Variants in COL25A1 observed in about 807,000 individuals in gnomAD.
COL25A1 encodes the protein collagen type XXV alpha 1 chain, also known as collagen alpha-1(XXV) chain.
COL25A1 carries 103 observed loss-of-function variants against 128.4 expected under a neutral mutation model. The observed-to-expected ratio is 0.80, with a 90% CI of 0.68 to 0.94. The LOEUF is 0.94. Ranked by LOEUF, COL25A1 falls within the 40% of genes least tolerant of loss-of-function variation. The pLI, the probability that COL25A1 is intolerant of heterozygous loss-of-function variation, is 0.00. For missense variants in COL25A1, 745 were observed against 840.0 expected, an observed-to-expected ratio of 0.89 and a Z score of 1.40; for synonymous variants, 279 against 277.2, an observed-to-expected ratio of 1.01 and a Z score of -0.06.
chr4:109,207,156 C>T (rs953449299), intron 3 of COL25A1, among the ~76,000 whole-genome samples: 7 of 152,068 alleles, frequency 4.6e-5, no homozygotes, highest in Non-Finnish European at 5.9e-5. Flanking sequence ...GACTTCTTTG[C>T]TTTTAGGGGA....
At chr4:109,125,042 TAAC>T (rs376054313) in intron 3 of COL25A1, among the ~76,000 whole-genome samples, 254 of 152,144 alleles carry the variant, frequency 1.7e-3, no homozygotes, top group African/African-American at 5.6e-3. Flanking sequence ...TCGCCTAGAA[TAAC>T]AACAACAAAG....
chr4:108,868,925 AAAG>A (rs778308267), intron 20 of COL25A1, among the ~76,000 whole-genome samples, 160 bp downstream of exon 20: 118 of 151,272 alleles, frequency 7.8e-4, no homozygotes, highest in Non-Finnish European at 9.9e-4. Context: ...AAGAGAAAGA[AAAG>A]AAGGAAGGAA....
Position 109,302,161 on chromosome 4 carries a change from A to AT in COL25A1, c.-57+7dup. 9.0e-7 allele frequency: 1 copy of AT among 1,113,718 alleles called. No individual in the cohort carries two copies. Among genetic ancestry groups the AT allele is most frequent in the Non-Finnish European group, 1.2e-6 (1 of 807,882 alleles). 69.0% of individuals were successfully genotyped at this position (1,113,718 alleles called of 1,614,324 possible). ...TTGGTGGAGTCAAGCCCACGAGCGG[A>AT]TACGGACCCCTGCCTTGCTCAGCGT... On this transcript the variant is annotated splice_region_variant and intron_variant, in intron 1 of 37. Coordinates refer to ENST00000399132, the MANE Select transcript of COL25A1 (RefSeq NM_198721.4).
At chr4:108,928,121 G>A (rs541044415) in intron 11 of COL25A1, among the ~76,000 whole-genome samples, 73 of 152,024 alleles carry the variant, frequency 4.8e-4, no homozygotes, top group African/African-American at 1.7e-3. Flanking sequence ...TACTTCCCTC[G>A]AGTACTATAA....
intron 3 of COL25A1, among the ~76,000 whole-genome samples, chr4:109,291,734 T>C (rs1339987870): frequency 6.6e-6 from 1 of 152,014 alleles, no homozygotes; most frequent in Non-Finnish European, 1.5e-5. Context: ...CAGAAAATTG[T>C]CATTAAAAGA....
intron 14 of COL25A1, among the ~76,000 whole-genome samples, chr4:108,900,607 T>A (rs1439958687): frequency 6.6e-6 from 1 of 152,158 alleles, no homozygotes; most frequent in Non-Finnish European, 1.5e-5. Context: ...TTCATTACAT[T>A]TTTTCCCTAT....
chr4:109,178,932 TA>T (rs1774366652), intron 3 of COL25A1, among the ~76,000 whole-genome samples: 1 of 150,010 alleles, frequency 6.7e-6, no homozygotes, highest in Admixed American at 6.6e-5. Context: ...ATAGTGTATA[TA>T]AAAGCGCCTT....
chr4:109,153,870 T>C (rs1257386365), intron 3 of COL25A1, among the ~76,000 whole-genome samples: 1 of 152,190 alleles, frequency 6.6e-6, no homozygotes, highest in Non-Finnish European at 1.5e-5. Flanking sequence ...AAGGTCAGTG[T>C]TACGCCCCTT....
intron 3 of COL25A1, among the ~76,000 whole-genome samples, chr4:109,197,486 TTA>T (rs1776209202): frequency 1.6e-5 from 2 of 126,616 alleles, no homozygotes; most frequent in Admixed American, 9.7e-5. Flanking sequence ...ATATTATATA[TTA>T]TATATAAATA....
At position 108,886,492 on chromosome 4, in the gene COL25A1, G is replaced by GTGTGTGTGTGTGTGTTTT. The variant is rs58157157; in HGVS notation, c.976-2271_976-2270insAAAACACACACACACACA. Among the ~76,000 whole-genome samples, 64 of 109,270 alleles carry GTGTGTGTGTGTGTGTTTT rather than the reference G, an allele frequency of 5.9e-4. 1 individual carries two copies. The highest frequency in any genetic ancestry group is 2.5e-3 in the East Asian group (10 of 4,052). The allele number at this position is 109,270 out of a possible 152,430, so 71.7% of individuals were successfully genotyped here. A position where few individuals can be genotyped will look rare whatever the true frequency, so the allele number is the denominator to read the frequency against. On this transcript the variant is annotated intron_variant, in intron 18 of 37. Coordinates refer to ENST00000399132, the MANE Select transcript of COL25A1 (RefSeq NM_198721.4). ...TGTGTGTGTGTGTGTGTGTGTGTGT[G>GTGTGTGTGTGTGTGTTTT]TTTAGCTCATCAGCTATTTTATGTG...
At chr4:108,851,203 T>C (rs1735735567) in intron 26 of COL25A1, among the ~76,000 whole-genome samples, 1 of 152,104 alleles carries the variant, frequency 6.6e-6, no homozygotes, top group Admixed American at 6.6e-5. Flanking sequence ...TTTTTTTGTG[T>C]TATGTCTCTT....
intron 24 of COL25A1, among the ~76,000 whole-genome samples, chr4:108,857,376 T>C (rs1045474766): frequency 1.3e-5 from 2 of 152,034 alleles, no homozygotes; most frequent in African/African-American, 2.4e-5. Context: ...AAACTAGTTC[T>C]AGAATTTGAC....
At chr4:108,955,697 T>A (rs1749991921) in intron 8 of COL25A1, among the ~76,000 whole-genome samples, 1 of 152,112 alleles carries the variant, frequency 6.6e-6, no homozygotes, top group Non-Finnish European at 1.5e-5. Context: ...AAGAGTATAT[T>A]CCGTTAGATT....
At chr4:108,977,186 C>A (rs1246771380) in intron 6 of COL25A1, among the ~76,000 whole-genome samples, 2 of 152,096 alleles carry the variant, frequency 1.3e-5, no homozygotes, top group Non-Finnish European at 2.9e-5. Flanking sequence ...GTCACAGACA[C>A]TAGTCCCAGC....
At chr4:109,097,810 C>T (rs984974186) in intron 3 of COL25A1, among the ~76,000 whole-genome samples, 6 of 151,558 alleles carry the variant, frequency 4.0e-5, no homozygotes, top group East Asian at 2.0e-4. Context: ...ACCACAGGTG[C>T]GCACCACCAC....
chr4:109,247,450 T>C (rs1373021261), intron 3 of COL25A1, among the ~76,000 whole-genome samples: 1 of 152,188 alleles, frequency 6.6e-6, no homozygotes, highest in Non-Finnish European at 1.5e-5. Flanking sequence ...AGCCAGTTAA[T>C]GCTTTTATGT....
intron 3 of COL25A1, among the ~76,000 whole-genome samples, chr4:109,135,024 CAAA>C (rs574984369): frequency 0.43 from 43,347 of 100,216 alleles, 7,544 homozygotes; most frequent in African/African-American, 0.51. Context: ...ACTTTTCTGT[CAAA>C]AAAAAAAAAA....
At chr4:109,218,713 A>G (rs1778224375) in intron 3 of COL25A1, among the ~76,000 whole-genome samples, 1 of 152,072 alleles carries the variant, frequency 6.6e-6, no homozygotes, top group African/African-American at 2.4e-5. Flanking sequence ...CAAAAAACAT[A>G]AAATTCACCC....
At chr4:108,852,754 T>A in intron 25 of COL25A1, 148 bp downstream of exon 25, 1 of 651,338 alleles carries the variant, frequency 1.5e-6, no homozygotes. Context: ...GTGATTCAAC[T>A]GGAGCAAATG....
Sources: allele counts gnomAD v4.1 joint callset (sites outside exome capture counted in the v4.1 genomes callset), GRCh38; gene constraint gnomAD v4.1.1; transcripts MANE v1.5; gene names NCBI Gene and HGNC (gene_info 2026-07-23, HGNC 2026-07-21).